Variants in RNF10 observed in about 807,000 individuals in gnomAD.
The protein encoded by RNF10 is ring finger protein 10.
RNF10 carries 38 observed loss-of-function variants against 91.4 expected under a neutral mutation model. That is an observed-to-expected ratio of 0.42 (90% CI 0.32 to 0.54). RNF10 has a LOEUF of 0.54. Ranked by LOEUF, RNF10 falls within the 20% of genes least tolerant of loss-of-function variation. RNF10 has a pLI of 0.16. For missense variants in RNF10, 945 were observed against 1,012.0 expected (o/e 0.93, Z 0.90); for synonymous variants, 364 against 366.3 (o/e 0.99, Z 0.07).
intron 4 of RNF10, among the ~76,000 whole-genome samples, chr12:120,556,057 G>A (rs1291529279): frequency 6.6e-6 from 1 of 151,826 alleles, no homozygotes; most frequent in Non-Finnish European, 1.5e-5. Context: ...CCAAAGTGTT[G>A]GGATTACAGG....
chr12:120,537,269 C>G (rs980292010), intron 1 of RNF10, among the ~76,000 whole-genome samples: 1 of 152,010 alleles, frequency 6.6e-6, no homozygotes, highest in African/African-American at 2.4e-5. Context: ...GCCACGATCA[C>G]TCCACTGCAC....
intron 1 of RNF10, 23 bp from the exon 2 acceptor site, chr12:120,546,382 T>TA (rs771290820): frequency 2.4e-5 from 39 of 1,598,458 alleles, no homozygotes; most frequent in Non-Finnish European, 3.3e-5. Context: ...CTTAAGACGT[T>TA]CTTTTGTGTT....
chr12:120,553,048 T>G (rs1593073660), intron 3 of RNF10, among the ~76,000 whole-genome samples: 2 of 3,634 alleles, frequency 5.5e-4, no homozygotes, highest in Admixed American at 2.7e-3. Context: ...GTTTTTTTTT[T>G]TTTTTTTTTT....
At position 120,572,091 on chromosome 12, in the gene RNF10, C is replaced by T. The variant is rs1446768542; in HGVS notation, c.2142+800C>T. 2.0e-5 allele frequency among the ~76,000 whole-genome samples: 3 copies of T among 148,018 alleles called. No individual in the cohort carries two copies. The South Asian group carries it at 6.4e-4, about 32-fold the overall frequency. ...TTTTTTTTTTTCCTCTTCTCCAAGACGGAGTCTCCCTGTCCCCCAGGCTGG... is the reference window on the plus strand; with the variant it reads ...TTTTTTTTTTTCCTCTTCTCCAAGATGGAGTCTCCCTGTCCCCCAGGCTGG... On this transcript the variant is annotated intron_variant, in intron 14 of 16. Coordinates refer to ENST00000325954, the MANE Select transcript of RNF10 (RefSeq NM_014868.5).
chr12:120,540,922 T>G (rs2137130954), intron 1 of RNF10, among the ~76,000 whole-genome samples: 1 of 151,396 alleles, frequency 6.6e-6, no homozygotes, highest in Non-Finnish European at 1.5e-5. Context: ...TGGTGCAGTC[T>G]CGGCCTTGCC....
chr12:120,536,049 G>A (rs1167723627), intron 1 of RNF10, among the ~76,000 whole-genome samples: 1 of 152,176 alleles, frequency 6.6e-6, no homozygotes, highest in East Asian at 1.9e-4. Context: ...CGACAGTGGG[G>A]ATGTTGTGGC....
In RNF10 at chr12:120,534,878, A is replaced by G; in HGVS notation, c.67A>G (p.Ser23Gly). 6.2e-7 allele frequency: 1 copy of G among 1,608,452 alleles called. No individual in the cohort carries two copies. Among genetic ancestry groups the G allele is most frequent in the South Asian group, 1.1e-5 (1 of 91,008 alleles). Residue 23 changes from serine to glycine, a missense_variant, in exon 1 of 17, where the codon AGC (serine) becomes GGC (glycine). Transcript: ENST00000325954. ...SDMDKNSGSN[S>G]SSASSGSSKG... ...CATGGACAAGAACAGCGGCTCCAAC[A>G]GCTCCTCCGCCTCTTCGGGCAGCAG... is the stretch of plus-strand genomic sequence containing the variant.
rs1360900876 is a variant in RNF10 at position 120,547,330 on chromosome 12, G to A, written c.354+729G>A. On this transcript the variant is annotated intron_variant, in intron 2 of 16. Transcript: ENST00000325954. ...GATGGTCTTGCTCTGTTTTAAGATG[G>A]TCTTGCTCTGTAGTACATTGGCATG... 2.6e-5 allele frequency among the ~76,000 whole-genome samples: 4 copies of A among 152,140 alleles called. No homozygotes were observed. In the East Asian group the frequency reaches 7.7e-4, roughly 29 times the overall value.
chr12:120,557,195 C>A, intron 4 of RNF10, 87 bp from the exon 5 acceptor site: 3 of 1,136,604 alleles, frequency 2.6e-6, no homozygotes, highest in South Asian at 1.4e-5. Flanking sequence ...GAGAGAGATG[C>A]GGATGAGAGA....
At chr12:120,562,271 C>CTTTTTTT (rs71076634) in intron 7 of RNF10, among the ~76,000 whole-genome samples, 6 of 100,122 alleles carry the variant, frequency 6.0e-5, no homozygotes, top group South Asian at 3.8e-4. Flanking sequence ...TTCTTTCTTT[C>CTTTTTTT]TTTTTTTTTT....
rs757154787 is a variant in RNF10 at position 120,577,487 on chromosome 12, TG to T, written c.*822del. Reference sequence around the variant, plus strand: ...AGAGCAGTTTTCTTATGCCTTGGTTTGAGCTGAATTTGATGTGAATTCTTTT... The same window carrying T: ...AGAGCAGTTTTCTTATGCCTTGGTTTAGCTGAATTTGATGTGAATTCTTTT... On this transcript the variant is annotated 3_prime_UTR_variant, in exon 17 of 17. Coordinates refer to ENST00000325954, the MANE Select transcript of RNF10 (RefSeq NM_014868.5). 2.6e-5 allele frequency: 6 copies of T among 232,142 alleles called. No individual in the cohort carries two copies. Among genetic ancestry groups the T allele is most frequent in the Non-Finnish European group, 5.2e-5 (6 of 114,912 alleles). 14.4% of individuals were successfully genotyped at this position (232,142 alleles called of 1,614,324 possible).
intron 1 of RNF10, among the ~76,000 whole-genome samples, chr12:120,545,016 T>C (rs1212146469): frequency 6.6e-6 from 1 of 152,208 alleles, no homozygotes; most frequent in South Asian, 2.1e-4. Context: ...ATATCTTCTA[T>C]GCTTGTCATT....
intron 1 of RNF10, among the ~76,000 whole-genome samples, chr12:120,535,188 C>T (rs894397007): frequency 1.3e-5 from 2 of 152,232 alleles, no homozygotes; most frequent in African/African-American, 4.8e-5. Context: ...CTCGATTAAG[C>T]AGGTGCTGTT....
Position 120,576,574 on chromosome 12 carries a change from C to T in RNF10, c.2360-16C>T, listed in dbSNP as rs377208770. The T allele has an allele frequency of 1.2e-6, 2 of 1,611,792 alleles. No homozygotes were observed. The highest frequency in any genetic ancestry group is 1.7e-6 in the Non-Finnish European group (2 of 1,179,220). ...TGGCATTTTAAGTTAAGCTGTCTTTCTGTGTCTCCCTTTAGAAGAGAAAGG... is the reference window on the plus strand; with the variant it reads ...TGGCATTTTAAGTTAAGCTGTCTTTTTGTGTCTCCCTTTAGAAGAGAAAGG... On this transcript the variant is annotated splice_polypyrimidine_tract_variant and intron_variant, in intron 16 of 16. Transcript: ENST00000325954.
At chr12:120,541,136 C>T (rs1274000999) in intron 1 of RNF10, among the ~76,000 whole-genome samples, 1 of 152,214 alleles carries the variant, frequency 6.6e-6, no homozygotes, top group Non-Finnish European at 1.5e-5. Context: ...GGATTATAGG[C>T]ATGAGCCACC....
At chr12:120,565,259 G>T (rs1252825272) in intron 11 of RNF10, 70 bp downstream of exon 11, 2 of 1,232,368 alleles carry the variant, frequency 1.6e-6, no homozygotes, top group Non-Finnish European at 2.4e-6. Flanking sequence ...ACACCCAGTG[G>T]GGGAGGAAAC....
At position 120,559,428 on chromosome 12, in the gene RNF10, A is replaced by C. The variant is rs549567593; in HGVS notation, c.968-1298A>C. On this transcript the variant is annotated intron_variant, in intron 6 of 16. Coordinates refer to ENST00000325954, the MANE Select transcript of RNF10 (RefSeq NM_014868.5). ...TGAGATGGAGTCTCACTCTGTTGCC[A>C]GGCTGGAATGCAGTGGTGCAATCCC... 5.9e-5 allele frequency among the ~76,000 whole-genome samples: 9 copies of C among 151,864 alleles called. No homozygotes were observed. The South Asian group carries it at 8.3e-4, about 14-fold the overall frequency.
Position 120,563,914 on chromosome 12 carries a change from G to A in RNF10, c.1636G>A (p.Val546Met), listed in dbSNP as rs1347344686. 1.9e-6 allele frequency: 3 copies of A among 1,614,234 alleles called. No homozygotes were observed. The highest frequency in any genetic ancestry group is 2.2e-5 in the South Asian group (2 of 91,086). ...CCCCGAGAAGATCTCAGCAACTGTG[G>A]TGGAGATTGCTGGCTACTCCATGTC... ...RSPEKISATVVEIAGYSMSED... is the reference protein window; with the variant it reads ...RSPEKISATVMEIAGYSMSED... The change falls in exon 10 of 17, where the codon GTG becomes ATG. Residue 546 changes from valine to methionine, a missense_variant. Val to Met is a conservative substitution (Grantham distance 21). Coordinates refer to ENST00000325954, the MANE Select transcript of RNF10 (RefSeq NM_014868.5).
rs575033306 is a variant in RNF10 at position 120,536,683 on chromosome 12, G to C, written c.157+1715G>C. Among the ~76,000 whole-genome samples, 5 of 152,252 alleles carry C rather than the reference G, an allele frequency of 3.3e-5. No homozygotes were observed. In the South Asian group the frequency reaches 1.0e-3, roughly 32 times the overall value. On this transcript the variant is annotated intron_variant, in intron 1 of 16. Coordinates refer to ENST00000325954, the MANE Select transcript of RNF10 (RefSeq NM_014868.5). Reference sequence around the variant, plus strand: ...GTAACCAGTCCTTTTGGTCAGTGTTGGAACTGGTTTAGAGTGGTCTGTTCA... The same window carrying C: ...GTAACCAGTCCTTTTGGTCAGTGTTCGAACTGGTTTAGAGTGGTCTGTTCA...
Sources: gnomAD v4.1 joint callset for allele counts (sites outside exome capture counted in the v4.1 genomes callset) on GRCh38, gnomAD v4.1.1 for gene constraint, MANE v1.5 for transcripts, NCBI Gene and HGNC (gene_info 2026-07-23, HGNC 2026-07-21) for gene names.